Variants in PIK3CD observed in about 807,000 individuals in gnomAD.
PIK3CD encodes phosphatidylinositol 4,5-bisphosphate 3-kinase catalytic subunit delta isoform.
Under a neutral mutation model 122.9 loss-of-function variants are expected in PIK3CD, and 20 were observed. That is an observed-to-expected ratio of 0.16 (90% CI 0.11 to 0.24). The LOEUF (loss-of-function observed/expected upper bound fraction) is 0.24. PIK3CD is among the 10% of genes least tolerant of loss of function. The pLI is 1.00. For missense variants in PIK3CD, 787 were observed against 1,406.3 expected, an observed-to-expected ratio of 0.56 and a Z score of 7.04; for synonymous variants, 596 against 593.4, an observed-to-expected ratio of 1.00 and a Z score of -0.06.
rs954723264 is a variant in PIK3CD, at chr1:9,719,297, C to T, written c.1242+382C>T. ...CACGGTCCCAGGATATGGCTCCCCT[C>T]GGAGCTGACTCACTCCGAGCTGAGC... is the stretch of plus-strand genomic sequence containing the variant. On this transcript the variant is annotated intron_variant, in intron 9 of 23. Coordinates refer to ENST00000377346, the MANE Select transcript of PIK3CD (RefSeq NM_005026.5). The surrounding 1 kb of genome is among the most constrained non-coding windows in gnomAD (Gnocchi z 5.5). 9.2e-5 allele frequency among the ~76,000 whole-genome samples: 14 copies of T among 152,274 alleles called. No homozygotes were observed. The East Asian group carries it at 2.3e-3, about 25-fold the overall frequency.
chr1:9,694,268 C>T (rs769690795), intron 2 of PIK3CD, among the ~76,000 whole-genome samples: 2 of 152,180 alleles, frequency 1.3e-5, no homozygotes, highest in South Asian at 4.1e-4. Context: ...ACGGTGGCTC[C>T]CACCTGTAAT....
In PIK3CD at chr1:9,723,429, C is replaced by T. The variant is rs755018248; in HGVS notation, c.2594+137C>T. On this transcript the variant is annotated intron_variant, in intron 20 of 23. Transcript: ENST00000377346. The surrounding 1 kb of genome is among the most constrained non-coding windows in gnomAD (Gnocchi z 4.9). ...GCTACTTGGCTCAGTTGAGGACCAG[C>T]CTGTGTCTGGGTTGGGGTGAGGTAG... The T allele has an allele frequency of 2.2e-6, 2 of 892,358 alleles. No homozygotes were observed. Among genetic ancestry groups the T allele is most frequent in the Non-Finnish European group, 3.7e-6 (2 of 540,808 alleles). 55.3% of individuals were successfully genotyped at this position (892,358 alleles called of 1,614,324 possible). A position where few individuals can be genotyped will look rare whatever the true frequency, so the allele number is the denominator to read the frequency against.
rs1293240159 is a variant in PIK3CD, at chr1:9,718,044, G to C, written c.1020+418G>C. On this transcript the variant is annotated intron_variant, in intron 8 of 23. Coordinates refer to ENST00000377346, the MANE Select transcript of PIK3CD (RefSeq NM_005026.5). This position sits in a 1 kb window ranked among gnomAD's most constrained non-coding sequence, Gnocchi z 7.2. ...GGGCTGCACCTGCCTCAACCTCTAG[G>C]GGCTGAGCCCACCTCCCTGTTGTCT... is the stretch of plus-strand genomic sequence containing the variant. 6 of 478,066 alleles carry C rather than the reference G, an allele frequency of 1.3e-5. No homozygotes were observed. In the East Asian group the frequency reaches 3.7e-4, roughly 29 times the overall value. The allele number at this position is 478,066 out of a possible 1,614,324, so 29.6% of individuals were successfully genotyped here. A position where few individuals can be genotyped will look rare whatever the true frequency, so the allele number is the denominator to read the frequency against.
In PIK3CD at chr1:9,716,001, G is replaced by A; in HGVS notation, c.523G>A (p.Ala175Thr). 6.2e-7 allele frequency: 1 copy of A among 1,612,616 alleles called. No homozygotes were observed. The change falls in exon 5 of 24, where the codon GCT becomes ACT. Residue 175 changes from alanine to threonine, a missense_variant. This residue lies in a region of PIK3CD where 592 missense variants were observed against 920.6 expected (regional missense o/e 0.64). Coordinates refer to ENST00000377346, the MANE Select transcript of PIK3CD (RefSeq NM_005026.5). ...TTTCCCCCTGCAGCTGGAGCCCTCG[G>A]CTCAAACCTGGGGGCCTGGTACCCT... is the stretch of plus-strand genomic sequence containing the variant. ...YSFPLQLEPS[A>T]QTWGPGTLRL...
At chr1:9,656,267 G>A (rs2100755654) in intron 1 of PIK3CD, among the ~76,000 whole-genome samples, 1 of 152,232 alleles carries the variant, frequency 6.6e-6, no homozygotes, top group African/African-American at 2.4e-5. Context: ...AAATGGGGTG[G>A]AGTTTGGATT....
chr1:9,726,629 C>G (rs1243585735), intron 23 of PIK3CD, among the ~76,000 whole-genome samples: 1 of 152,172 alleles, frequency 6.6e-6, no homozygotes, highest in African/African-American at 2.4e-5. Context: ...GACCTTCCCT[C>G]TGGTGACCAG....
rs1400095297 is a variant in PIK3CD at position 9,689,450 on chromosome 1, C to T, written c.-137-2017C>T. Among the ~76,000 whole-genome samples, 1 of 149,376 alleles carries T rather than the reference C, an allele frequency of 6.7e-6. No individual in the cohort carries two copies. The highest frequency in any genetic ancestry group is 1.5e-5 in the Non-Finnish European group (1 of 66,828). On this transcript the variant is annotated intron_variant, in intron 1 of 23. Coordinates refer to ENST00000377346, the MANE Select transcript of PIK3CD (RefSeq NM_005026.5). This position sits in a 1 kb window ranked among gnomAD's most constrained non-coding sequence, Gnocchi z 6.1. ...TTGCCGACGGTGCCCGCGCCGCCGC[C>T]GGCCCCGGCCCCGCCCCAGCCCCGA...
At chr1:9,693,947 GGCCACATA>G (rs1646304196) in intron 2 of PIK3CD, among the ~76,000 whole-genome samples, 1 of 152,124 alleles carries the variant, frequency 6.6e-6, no homozygotes, top group South Asian at 2.1e-4. Flanking sequence ...CACCCCCCCA[GGCCACATA>G]GCCAGATGGT....
the PIK3CD span, among the ~76,000 whole-genome samples, chr1:9,634,446 G>A: frequency 2.0e-5 from 3 of 152,126 alleles, no homozygotes; most frequent in Admixed American, 2.0e-4. Context: ...ACAGGCGTGA[G>A]CTTCCATGCC....
the PIK3CD span, among the ~76,000 whole-genome samples, chr1:9,641,148 CGGCAGGCCTGG>C: frequency 6.6e-6 from 1 of 152,144 alleles, no homozygotes; most frequent in Non-Finnish European, 1.5e-5. Flanking sequence ...GTTGCGGGGG[CGGCAGGCCTGG>C]GGCTTGTCCA....
At position 9,722,136 on chromosome 1, in the gene PIK3CD, C is replaced by G. The variant is rs1432882069; in HGVS notation, c.2217C>G (p.Thr739=). ...TGCAGTCCCCACTCGACCCCAGCAC[C>G]CTGCTGGCTGAAGTCTGGTGAGCCC... ...SHLQSPLDPS[T]LLAEVCVEQC... is the part of the protein sequence containing the mutation. The change falls in exon 17 of 24, where the codon ACC becomes ACG. Residue 739 remains threonine, a synonymous_variant. Transcript: ENST00000377346. This position sits in a 1 kb window ranked among gnomAD's most constrained non-coding sequence, Gnocchi z 7.6. 1 of 1,613,042 alleles carries G rather than the reference C, an allele frequency of 6.2e-7. No individual in the cohort carries two copies. Among genetic ancestry groups the G allele is most frequent in the East Asian group, 2.2e-5 (1 of 44,818 alleles).
intron 1 of PIK3CD, among the ~76,000 whole-genome samples, chr1:9,666,245 TTTTTTTTTTTTTTG>T (rs1645155056): frequency 7.7e-6 from 1 of 129,582 alleles, no homozygotes; most frequent in South Asian, 2.8e-4. Flanking sequence ...TTTTTTTTTT[TTTTTTTTTTTTTTG>T]AGGTGGAGTC....
At position 9,721,674 on chromosome 1, in the gene PIK3CD, G is replaced by A. The variant is rs867782792; in HGVS notation, c.1955+87G>A. ...CACTGGGGACGTTTCCAGCAGGCCT[G>A]GGTGTCCTGGCCTCGCTAGGTCCTG... On this transcript the variant is annotated intron_variant, in intron 15 of 23. Transcript: ENST00000377346. The A allele has an allele frequency of 3.7e-6, 6 of 1,606,326 alleles. No individual in the cohort carries two copies. The African/African-American group carries it at 8.0e-5, about 21-fold the overall frequency.
intron 15 of PIK3CD, 57 bp from the exon 16 acceptor site, chr1:9,721,704 G>C: frequency 4.4e-6 from 7 of 1,605,934 alleles, no homozygotes; most frequent in Non-Finnish European, 6.0e-6. Context: ...GTCCTGCTGG[G>C]CGGGAGGGGC....
At chr1:9,656,218 A>G (rs182806383) in intron 1 of PIK3CD, among the ~76,000 whole-genome samples, 1 of 152,292 alleles carries the variant, frequency 6.6e-6, no homozygotes, top group East Asian at 1.9e-4. Context: ...GGGATGCTGT[A>G]CGGGTTAAGT....
At chr1:9,713,378 C>CA (rs1238904923) in intron 3 of PIK3CD, among the ~76,000 whole-genome samples, 2 of 151,868 alleles carry the variant, frequency 1.3e-5, no homozygotes, top group Non-Finnish European at 2.9e-5. Flanking sequence ...AAAACAAACA[C>CA]AAAAAATAAA....
intron 23 of PIK3CD, among the ~76,000 whole-genome samples, chr1:9,726,154 A>G (rs72871215): frequency 0.024 from 3,711 of 152,238 alleles, 100 homozygotes; most frequent in African/African-American, 0.07. Context: ...CTGAGGCTGC[A>G]GTAAGCCTAG....
At chr1:9,693,423 T>C (rs2100503381) in intron 2 of PIK3CD, among the ~76,000 whole-genome samples, 1 of 151,336 alleles carries the variant, frequency 6.6e-6, no homozygotes, top group Non-Finnish European at 1.5e-5. Flanking sequence ...AGTAGAGACA[T>C]GGTTTTGCCA....
chr1:9,723,900 A>C lies in PIK3CD; in HGVS notation c.2595-69A>C. On this transcript the variant is annotated intron_variant, in intron 20 of 23. Coordinates refer to ENST00000377346, the MANE Select transcript of PIK3CD (RefSeq NM_005026.5). The surrounding 1 kb of genome is among the most constrained non-coding windows in gnomAD (Gnocchi z 4.9). ...GGCCAGATTCAAGGGGAGAGGGAGT[A>C]ATAACCCACCTCTTGATAGGCGGAG... The C allele has an allele frequency of 6.9e-6, 10 of 1,441,344 alleles. No homozygotes were observed. Among genetic ancestry groups the C allele is most frequent in the Non-Finnish European group, 9.7e-6 (10 of 1,027,638 alleles). 89.3% of individuals were successfully genotyped at this position (1,441,344 alleles called of 1,614,324 possible).
Sources: gnomAD v4.1 joint callset for allele counts (sites outside exome capture counted in the v4.1 genomes callset) on GRCh38, gnomAD v4.1.1 for gene constraint, gnomAD v4.1.1 regional missense constraint, Gnocchi (gnomAD v3.1) non-coding constraint, MANE v1.5 for transcripts, NCBI Gene and HGNC (gene_info 2026-07-23, HGNC 2026-07-21) for gene names.